The following SYNE2 variants were observed in gnomAD, a reference collection of about 807,000 sequenced individuals.
The protein encoded by SYNE2 is nesprin-2.
A neutral mutation model predicts 856.3 loss-of-function variants in SYNE2; 431 were observed. The observed-to-expected ratio is 0.50, with a 90% CI of 0.47 to 0.55. The LOEUF (loss-of-function observed/expected upper bound fraction) is 0.55. Ranked by LOEUF, SYNE2 falls within the 20% of genes least tolerant of loss-of-function variation. The probability of loss-of-function intolerance (pLI) is 0.00; values close to 1 mark genes in which losing one functional copy is unlikely to be tolerated. For synonymous variants in SYNE2, 2,923 were observed against 2,872.3 expected, an observed-to-expected ratio of 1.02 and a Z score of -0.56; for missense variants, 8,129 against 8,023.2, an observed-to-expected ratio of 1.01 and a Z score of -0.50.
rs1339541755 is a variant in SYNE2 at position 64,021,464 on chromosome 14, C to T, written c.5301C>T (p.Leu1767=). ...AKTQIGMTES[L]LKALSPSDSL... ...CCCAGATCGGGATGACTGAATCCCT[C>T]TTAAAAGCCCTGTCTCCTTCTGACA... is the stretch of plus-strand genomic sequence containing the variant. Residue 1767 remains leucine (L), a synonymous_variant, in exon 36 of 116, where the codon CTC becomes CTT. Transcript: ENST00000555002. 1.2e-6 allele frequency: 2 copies of T among 1,613,988 alleles called. No individual in the cohort carries two copies. The highest frequency in any genetic ancestry group is 1.7e-6 in the Non-Finnish European group (2 of 1,180,020).
intron 1 of SYNE2, among the ~76,000 whole-genome samples, chr14:63,817,796 G>C (rs1889054438): frequency 1.3e-5 from 2 of 152,090 alleles, no homozygotes; most frequent in Non-Finnish European, 2.9e-5. Flanking sequence ...GGCCAAGGCA[G>C]GAGGATTGCT....
At chr14:63,853,498 G>A (rs1354703364) in intron 1 of SYNE2, among the ~76,000 whole-genome samples, 2 of 151,700 alleles carry the variant, frequency 1.3e-5, no homozygotes, top group Non-Finnish European at 2.9e-5. Flanking sequence ...GGCTGTGCCC[G>A]GGTGCCCCGG....
At chr14:64,016,789 T>C (rs2096895302) in intron 33 of SYNE2, among the ~76,000 whole-genome samples, 158 bp downstream of exon 33, 1 of 152,224 alleles carries the variant, frequency 6.6e-6, no homozygotes, top group South Asian at 2.1e-4. Flanking sequence ...GAGTTGGGAC[T>C]ACTAACAGAT....
intron 13 of SYNE2, 83 bp downstream of exon 13, chr14:63,978,100 A>G (rs936433286): frequency 1.1e-6 from 1 of 905,656 alleles, no homozygotes; most frequent in Non-Finnish European, 1.8e-6. Context: ...CAAAATACAG[A>G]TTTTTAGATA....
chr14:63,933,653 C>A (rs2095794117), intron 2 of SYNE2, among the ~76,000 whole-genome samples: 1 of 152,074 alleles, frequency 6.6e-6, no homozygotes, highest in African/African-American at 2.4e-5. Context: ...TATATATTTG[C>A]CTGAAAAATC....
intron 45 of SYNE2, among the ~76,000 whole-genome samples, chr14:64,038,833 GAA>G (rs2097125118): frequency 6.6e-6 from 1 of 151,924 alleles, no homozygotes; most frequent in Non-Finnish European, 1.5e-5. Flanking sequence ...GGAGACCGTG[GAA>G]AGAGAGGGAG....
chr14:64,122,369 T>A lies in SYNE2; in HGVS notation c.13364T>A (p.Leu4455Gln). The A allele has an allele frequency of 6.2e-7, 1 of 1,614,196 alleles. No individual in the cohort carries two copies. Among genetic ancestry groups the A allele is most frequent in the Non-Finnish European group, 8.5e-7 (1 of 1,180,040 alleles). ...CAAAATGGAGATAAGTGGCAATATCTGCATCATGAACTCTCATCAAAAATA... is the reference window on the plus strand; with the variant it reads ...CAAAATGGAGATAAGTGGCAATATCAGCATCATGAACTCTCATCAAAAATA... Reference protein sequence around the residue: ...QGQNGDKWQYLHHELSSKIKL... With the variant: ...QGQNGDKWQYQHHELSSKIKL... Residue 4455 changes from leucine to glutamine, a missense_variant, in exon 70 of 116, where the codon CTG becomes CAG. This residue lies in a region of SYNE2 where 5,410 missense variants were observed against 5,284.8 expected (regional missense o/e 1.02). Transcript: ENST00000555002.
chr14:64,030,167 G>A, intron 44 of SYNE2, 108 bp downstream of exon 44: 1 of 1,056,722 alleles, frequency 9.5e-7, no homozygotes, highest in South Asian at 1.3e-5. Context: ...GTATTCAGAT[G>A]ACTCTTAGGT....
At chr14:63,809,094 T>C (rs7144584) in intron 1 of SYNE2, among the ~76,000 whole-genome samples, 142,254 of 152,242 alleles carry the variant, frequency 0.93, 66,583 homozygotes, top group East Asian at 1. Context: ...TTTGCTGGGT[T>C]TTGGATGTTT....
chr14:64,189,347 G>A (rs2098506946), intron 98 of SYNE2, among the ~76,000 whole-genome samples: 1 of 150,788 alleles, frequency 6.6e-6, no homozygotes, highest in Non-Finnish European at 1.5e-5. Context: ...AAAAAAAAAA[G>A]AAGCTCCCCT....
chr14:64,133,298 G>A lies in SYNE2; in HGVS notation c.14515-771G>A, dbSNP rs150204614. ...TAACAAAATTTATTTTCTAGTTAGT[G>A]TGTCAAGTTGATATTTATAATATGT... On this transcript the variant is annotated intron_variant, in intron 77 of 115. Coordinates refer to ENST00000555002, the MANE Select transcript of SYNE2 (RefSeq NM_182914.3). Among the ~76,000 whole-genome samples the A allele has an allele frequency of 2.7e-3, 407 of 152,218 alleles. 1 individual carries two copies. The highest frequency in any genetic ancestry group is 4.4e-3 in the Non-Finnish European group (301 of 68,012).
chr14:64,049,240 T>C (rs2097207015), intron 46 of SYNE2: 1 of 153,802 alleles, frequency 6.5e-6, no homozygotes, highest in African/African-American at 2.4e-5. Context: ...GGCCAGGAGT[T>C]CAAGACCAGC....
chr14:64,143,500 A>G (rs1207102738), intron 82 of SYNE2, among the ~76,000 whole-genome samples: 3 of 152,208 alleles, frequency 2.0e-5, no homozygotes, highest in Non-Finnish European at 2.9e-5. Flanking sequence ...GGTCGTGGTC[A>G]GGGTTCAGAT....
rs554450324 is a variant in SYNE2, at chr14:63,964,046, T to C, written c.990+46T>C. The C allele has an allele frequency of 6.9e-5, 83 of 1,201,872 alleles. No homozygotes were observed. The South Asian group carries it at 1.1e-3, about 15-fold the overall frequency. The allele number at this position is 1,201,872 out of a possible 1,614,324, so 74.5% of individuals were successfully genotyped here. ...CTGTTTGTAATTTACCTTTTAAGAGTTGAGCGTAAGTATGTTTTTAGAAAA... is the reference window on the plus strand; with the variant it reads ...CTGTTTGTAATTTACCTTTTAAGAGCTGAGCGTAAGTATGTTTTTAGAAAA... On this transcript the variant is annotated intron_variant, in intron 10 of 115. Transcript: ENST00000555002.
intron 8 of SYNE2, among the ~76,000 whole-genome samples, 184 bp from the exon 9 acceptor site, chr14:63,961,341 A>G (rs891800999): frequency 2.0e-5 from 3 of 152,216 alleles, no homozygotes; most frequent in African/African-American, 7.2e-5. Flanking sequence ...ATAGATCTAA[A>G]CTCTTAGCCA....
intron 84 of SYNE2, among the ~76,000 whole-genome samples, chr14:64,152,103 G>A (rs1305389422): frequency 6.6e-6 from 1 of 152,170 alleles, no homozygotes; most frequent in Non-Finnish European, 1.5e-5. Flanking sequence ...AGTTATTACT[G>A]AACTACCAAC....
chr14:64,210,257 C>G, intron 103 of SYNE2, 133 bp downstream of exon 103: 1 of 1,191,672 alleles, frequency 8.4e-7, no homozygotes, highest in Non-Finnish European at 1.1e-6. Context: ...TAACAGTCCT[C>G]CAACACAAAG....
chr14:64,021,219 A>G, intron 35 of SYNE2, 96 bp from the exon 36 acceptor site: 1 of 930,172 alleles, frequency 1.1e-6, no homozygotes, highest in East Asian at 2.5e-5. Flanking sequence ...TTCACATTGA[A>G]ATGAAGTAAT....
At chr14:63,913,544 C>T (rs1017667241) in intron 2 of SYNE2, among the ~76,000 whole-genome samples, 8 of 150,888 alleles carry the variant, frequency 5.3e-5, no homozygotes, top group African/African-American at 1.5e-4. Flanking sequence ...TTCACTGCAA[C>T]CTCCGCCTCC....
Sources: allele counts gnomAD v4.1 joint callset (sites outside exome capture counted in the v4.1 genomes callset), GRCh38; gene constraint gnomAD v4.1.1; regional missense constraint gnomAD v4.1.1; transcripts MANE v1.5; gene names NCBI Gene and HGNC (gene_info 2026-07-23, HGNC 2026-07-21).